The following GAL3ST2 variants were observed in gnomAD, a reference collection of about 807,000 sequenced individuals.
GAL3ST2 encodes beta-galactose-3-O-sulfotransferase 2.
In GAL3ST2, 16 loss-of-function variants were observed where a neutral mutation model predicts 12.9. The ratio of observed to expected loss-of-function variants is 1.24; its 90% CI spans 0.84 to 1.88. The LOEUF is 1.88. Among genes scored for constraint, GAL3ST2 ranks in the 40% most tolerant of loss-of-function variants. GAL3ST2 has a pLI of 0.00. For synonymous variants in GAL3ST2, 302 were observed against 273.9 expected, an observed-to-expected ratio of 1.10 and a Z score of -1.01; for missense variants, 639 against 571.8, an observed-to-expected ratio of 1.12 and a Z score of -1.20.
At chr2:241,784,035 CTT>C (rs1194688922) in intron 1 of GAL3ST2, among the ~76,000 whole-genome samples, 23 of 139,568 alleles carry the variant, frequency 1.6e-4, no homozygotes, top group Admixed American at 2.9e-4. Flanking sequence ...TTAATGTCTT[CTT>C]TTTTTTTTTT....
rs1020402229 is a variant in GAL3ST2, at chr2:241,795,753, G to A, written c.30-3312G>A. On this transcript the variant is annotated intron_variant, in intron 1 of 3. Coordinates refer to ENST00000192314, the MANE Select transcript of GAL3ST2 (RefSeq NM_022134.3). This position sits in a 1 kb window ranked among gnomAD's most constrained non-coding sequence, Gnocchi z 4.5. ...TTTGGGAAAACATGTCCTCTCTCACGAAGACGTGGGTGTCTCCAGCGGGAC... is the reference window on the plus strand; with the variant it reads ...TTTGGGAAAACATGTCCTCTCTCACAAAGACGTGGGTGTCTCCAGCGGGAC... 6.6e-6 allele frequency among the ~76,000 whole-genome samples: 1 copy of A among 152,234 alleles called. No homozygotes were observed. The highest frequency in any genetic ancestry group is 1.5e-5 in the Non-Finnish European group (1 of 68,040).
chr2:241,797,361 GTT>G (rs977207217), intron 1 of GAL3ST2, among the ~76,000 whole-genome samples: 4 of 152,300 alleles, frequency 2.6e-5, no homozygotes, highest in African/African-American at 9.6e-5. Flanking sequence ...TATCGTGACT[GTT>G]TAGAATTTTT....
At position 241,801,669 on chromosome 2, in the gene GAL3ST2, G is replaced by A; in HGVS notation, c.120-112G>A. ...AGTTGGCCCCCTGGCCTAGAGTTGG[G>A]GGGCTCAGGTTGGGAGGTCTCTCCT... On this transcript the variant is annotated intron_variant, in intron 2 of 3. Coordinates refer to ENST00000192314, the MANE Select transcript of GAL3ST2 (RefSeq NM_022134.3). This position sits in a 1 kb window ranked among gnomAD's most constrained non-coding sequence, Gnocchi z 4.4. 1 of 1,415,804 alleles carries A rather than the reference G, an allele frequency of 7.1e-7. No homozygotes were observed. Among genetic ancestry groups the A allele is most frequent in the Non-Finnish European group, 9.4e-7 (1 of 1,058,930 alleles). The allele number at this position is 1,415,804 out of a possible 1,614,324, so 87.7% of individuals were successfully genotyped here. A position where few individuals can be genotyped will look rare whatever the true frequency, so the allele number is the denominator to read the frequency against.
chr2:241,800,675 C>G lies in GAL3ST2; in HGVS notation c.120-1106C>G, dbSNP rs62193080. Among the ~76,000 whole-genome samples, 38,814 of 152,104 alleles carry G rather than the reference C, an allele frequency of 0.26. 6,152 individuals are homozygous for G. Among genetic ancestry groups the G allele is most frequent in the African/African-American group, 0.45 (18,597 of 41,446 alleles). ...AGGGGACAGTTACTGAAATGCGGCTCTTGTCCGATGGCAGCTGTGGTTCTG... is the reference window on the plus strand; with the variant it reads ...AGGGGACAGTTACTGAAATGCGGCTGTTGTCCGATGGCAGCTGTGGTTCTG... On this transcript the variant is annotated intron_variant, in intron 2 of 3. Coordinates refer to ENST00000192314, the MANE Select transcript of GAL3ST2 (RefSeq NM_022134.3). This position sits in a 1 kb window ranked among gnomAD's most constrained non-coding sequence, Gnocchi z 5.2.
At position 241,793,695 on chromosome 2, in the gene GAL3ST2, ATG is replaced by A. The variant is rs1295302046; in HGVS notation, c.30-5366_30-5365del. 2.7e-5 allele frequency among the ~76,000 whole-genome samples: 4 copies of A among 149,754 alleles called. No individual in the cohort carries two copies. The highest frequency in any genetic ancestry group is 9.9e-5 in the African/African-American group (4 of 40,380). On this transcript the variant is annotated intron_variant, in intron 1 of 3. Coordinates refer to ENST00000192314, the MANE Select transcript of GAL3ST2 (RefSeq NM_022134.3). This position sits in a 1 kb window ranked among gnomAD's most constrained non-coding sequence, Gnocchi z 4.7. ...GCACATATTGTGTATGTGTGTGTAT[ATG>A]TGTATGTACGTATTGTGTATGCATG...
At chr2:241,784,303 G>C (rs957784166) in intron 1 of GAL3ST2, among the ~76,000 whole-genome samples, 1 of 152,164 alleles carries the variant, frequency 6.6e-6, no homozygotes, top group Admixed American at 6.5e-5. Context: ...AAAGTGCTGG[G>C]ATTACAGGCG....
At chr2:241,782,539 T>C (rs1372597158) in intron 1 of GAL3ST2, among the ~76,000 whole-genome samples, 2 of 152,122 alleles carry the variant, frequency 1.3e-5, no homozygotes, top group African/African-American at 4.8e-5. Flanking sequence ...TTGGCCAGGC[T>C]GGTCTTGAAC....
rs1355873084 is a variant in GAL3ST2, at chr2:241,802,047, C to T, written c.375+11C>T. On this transcript the variant is annotated intron_variant, in intron 3 of 3. Coordinates refer to ENST00000192314, the MANE Select transcript of GAL3ST2 (RefSeq NM_022134.3). The surrounding 1 kb of genome is among the most constrained non-coding windows in gnomAD (Gnocchi z 4.8). ...TTCAACCTGCCTCAGGTACCGCGGGCCTGCTGGGGAGGAGGGCGGGCTGCA... is the reference window on the plus strand; with the variant it reads ...TTCAACCTGCCTCAGGTACCGCGGGTCTGCTGGGGAGGAGGGCGGGCTGCA... 2 of 1,602,418 alleles carry T rather than the reference C, an allele frequency of 1.2e-6. No individual in the cohort carries two copies. Among genetic ancestry groups the T allele is most frequent in the Non-Finnish European group, 1.7e-6 (2 of 1,174,776 alleles).
chr2:241,788,043 T>C (rs1259971485), intron 1 of GAL3ST2, among the ~76,000 whole-genome samples: 1 of 152,216 alleles, frequency 6.6e-6, no homozygotes, highest in African/African-American at 2.4e-5. Flanking sequence ...TTTACTTTTC[T>C]TCCACCCCAT....
intron 1 of GAL3ST2, among the ~76,000 whole-genome samples, chr2:241,787,348 C>T (rs1699639202): frequency 6.6e-6 from 1 of 152,076 alleles, no homozygotes; most frequent in Non-Finnish European, 1.5e-5. Context: ...TTTTTAGGTT[C>T]ACATTTTGGT....
chr2:241,778,374 A>C (rs1331498629), intron 1 of GAL3ST2, among the ~76,000 whole-genome samples: 2 of 152,208 alleles, frequency 1.3e-5, no homozygotes, highest in Non-Finnish European at 2.9e-5. Flanking sequence ...AGTGAGGCCT[A>C]GTCTTGACCA....
At chr2:241,799,012 G>C in intron 1 of GAL3ST2, 53 bp from the exon 2 acceptor site, 1 of 1,419,138 alleles carries the variant, frequency 7.0e-7, no homozygotes, top group Admixed American at 1.7e-5. Context: ...TGGGAGGTGG[G>C]GGTGGGGCTG....
chr2:241,803,607 G>T lies in GAL3ST2; in HGVS notation c.638G>T (p.Arg213Leu). ...AQCEEGYVRA[R>L]IAEVERRFRL... ...TGCGAGGAGGGCTACGTGCGCGCGCGCATCGCCGAGGTGGAGCGGCGCTTC... is the reference window on the plus strand; with the variant it reads ...TGCGAGGAGGGCTACGTGCGCGCGCTCATCGCCGAGGTGGAGCGGCGCTTC... The change falls in exon 4 of 4, where the codon CGC (arginine) becomes CTC (leucine). Residue 213 changes from arginine to leucine, a missense_variant. By Grantham distance (102) the Arg-to-Leu change is moderately radical. Transcript: ENST00000192314. 1 of 1,565,316 alleles carries T rather than the reference G, an allele frequency of 6.4e-7. No individual in the cohort carries two copies. The highest frequency in any genetic ancestry group is 8.7e-7 in the Non-Finnish European group (1 of 1,154,324).
chr2:241,791,671 C>G (rs62193072), intron 1 of GAL3ST2, among the ~76,000 whole-genome samples: 37,971 of 152,072 alleles, frequency 0.25, 6,056 homozygotes, highest in African/African-American at 0.45. Flanking sequence ...TCCTATGGAG[C>G]AATGTTCCAT....
chr2:241,785,013 T>A (rs573059501), intron 1 of GAL3ST2, among the ~76,000 whole-genome samples: 1 of 152,360 alleles, frequency 6.6e-6, no homozygotes, highest in African/African-American at 2.4e-5. Flanking sequence ...AGACAGGGAC[T>A]ACCTATATTG....
intron 1 of GAL3ST2, among the ~76,000 whole-genome samples, chr2:241,778,113 G>A (rs1192421889): frequency 6.6e-6 from 1 of 152,230 alleles, no homozygotes; most frequent in African/African-American, 2.4e-5. Context: ...CATTGAGCAC[G>A]GCCTGCAGGA....
In GAL3ST2 at chr2:241,800,289, ACAGGCTGGGAGCACAGCCGCCGACC is replaced by A. The variant is rs535392956; in HGVS notation, c.119+1173_119+1197del. On this transcript the variant is annotated intron_variant, in intron 2 of 3. Transcript: ENST00000192314. This position sits in a 1 kb window ranked among gnomAD's most constrained non-coding sequence, Gnocchi z 5.2. ...GTTTCTTAAAAAGTGTGGACATCCCACAGGCTGGGAGCACAGCCGCCGACCCAGGCTGGGAGCACAGCCGCCGACC... is the reference window on the plus strand; with the variant it reads ...GTTTCTTAAAAAGTGTGGACATCCCACAGGCTGGGAGCACAGCCGCCGACC... 2.0e-3 allele frequency among the ~76,000 whole-genome samples: 303 copies of A among 150,440 alleles called. 3 individuals are homozygous for A. In the South Asian group the frequency reaches 0.022, roughly 11 times the overall value.
chr2:241,786,322 A>G (rs1401590514), intron 1 of GAL3ST2, among the ~76,000 whole-genome samples: 3 of 152,228 alleles, frequency 2.0e-5, no homozygotes, highest in Non-Finnish European at 2.9e-5. Context: ...AACAACAAAC[A>G]GTTCAGTAAA....
At chr2:241,792,581 T>C (rs1457279288) in intron 1 of GAL3ST2, among the ~76,000 whole-genome samples, 1 of 152,128 alleles carries the variant, frequency 6.6e-6, no homozygotes, top group African/African-American at 2.4e-5. Context: ...TTCTAGGACA[T>C]GAGACTTCAC....
Sources: gnomAD v4.1 joint callset for allele counts (sites outside exome capture counted in the v4.1 genomes callset) on GRCh38, gnomAD v4.1.1 for gene constraint, Gnocchi (gnomAD v3.1) non-coding constraint, MANE v1.5 for transcripts, NCBI Gene and HGNC (gene_info 2026-07-23, HGNC 2026-07-21) for gene names.